MICU1: variants seen among roughly 807,000 people sequenced by gnomAD.
MICU1 encodes mitochondrial calcium uptake 1, also known as calcium uptake protein 1, mitochondrial.
Under a neutral mutation model 56.8 loss-of-function variants are expected in MICU1, and 45 were observed. The ratio of observed to expected loss-of-function variants is 0.79; its 90% CI spans 0.62 to 1.02. MICU1 has a LOEUF of 1.02. Ranked by LOEUF, MICU1 falls within the 50% of genes least tolerant of loss-of-function variation. MICU1 has a pLI of 0.00. For missense variants in MICU1, 504 were observed against 587.1 expected (o/e 0.86, Z 1.46); for synonymous variants, 186 against 195.1 (o/e 0.95, Z 0.39).
Position 72,512,100 on chromosome 10 carries a change from G to GTTTTTTTTTT in MICU1, c.538-3832_538-3831insAAAAAAAAAA, listed in dbSNP as rs1199987987. Among the ~76,000 whole-genome samples, 43 of 82,338 alleles carry GTTTTTTTTTT rather than the reference G, an allele frequency of 5.2e-4. 4 individuals are homozygous for GTTTTTTTTTT. The highest frequency in any genetic ancestry group is 2.1e-3 in the African/African-American group (37 of 17,244). The allele number at this position is 82,338 out of a possible 152,430, so 54.0% of individuals were successfully genotyped here. A position where few individuals can be genotyped will look rare whatever the true frequency, so the allele number is the denominator to read the frequency against. The stretch of plus-strand genomic sequence containing the variant: ...ATCAATCTGGCATCCATACACAGTT[G>GTTTTTTTTTT]TTTTTTGTTTTTTTTTTTTTTTTTT... On this transcript the variant is annotated intron_variant, in intron 5 of 11. Transcript: ENST00000361114.
At chr10:72,432,599 G>C (rs572795484) in intron 8 of MICU1, among the ~76,000 whole-genome samples, 1 of 152,216 alleles carries the variant, frequency 6.6e-6, no homozygotes, top group Non-Finnish European at 1.5e-5. Context: ...CATGGTGGAA[G>C]TTGAAGTGGG....
At chr10:72,385,049 C>T (rs148776375) in intron 10 of MICU1, among the ~76,000 whole-genome samples, 1,895 of 152,238 alleles carry the variant, frequency 0.012, 18 homozygotes, top group Non-Finnish European at 0.018. Context: ...TCCGGCATCA[C>T]ATAAAAGCAT....
intron 8 of MICU1, among the ~76,000 whole-genome samples, chr10:72,443,212 G>T (rs35099301): frequency 0.019 from 2,841 of 152,124 alleles, 99 homozygotes; most frequent in African/African-American, 0.065. Context: ...CTTTTTGATG[G>T]GGTTGTTTGT....
chr10:72,608,522 A>G (rs957372437), intron 1 of MICU1, among the ~76,000 whole-genome samples: 3 of 152,214 alleles, frequency 2.0e-5, no homozygotes, highest in African/African-American at 7.2e-5. Context: ...GGTAAAAGCA[A>G]ATTAAAACCA....
intron 5 of MICU1, chr10:72,509,278 C>T (rs1354156216): frequency 9.1e-6 from 7 of 768,008 alleles, no homozygotes; most frequent in Non-Finnish European, 1.4e-5. Context: ...GTAATAATGT[C>T]ATGCAAGCAT....
chr10:72,439,966 A>T (rs1031825951), intron 8 of MICU1, among the ~76,000 whole-genome samples: 38 of 152,208 alleles, frequency 2.5e-4, no homozygotes, highest in African/African-American at 8.9e-4. Context: ...GAAAGTGGCC[A>T]TACTGCCCAA....
intron 8 of MICU1, among the ~76,000 whole-genome samples, chr10:72,459,880 A>G (rs1045706719): frequency 6.6e-6 from 1 of 152,216 alleles, no homozygotes; most frequent in Non-Finnish European, 1.5e-5. Context: ...TGTGTTCTCT[A>G]TCTCAGTGAA....
intron 1 of MICU1, among the ~76,000 whole-genome samples, chr10:72,584,367 C>T (rs1269878023): frequency 6.6e-6 from 1 of 152,136 alleles, no homozygotes; most frequent in East Asian, 1.9e-4. Flanking sequence ...CAAAGATACA[C>T]TTATTTAAAG....
At chr10:72,450,130 CA>C (rs1865248986) in intron 8 of MICU1, among the ~76,000 whole-genome samples, 1 of 151,188 alleles carries the variant, frequency 6.6e-6, no homozygotes, top group South Asian at 2.1e-4. Context: ...ATTTAACAAA[CA>C]ATGAAATGAC....
At chr10:72,587,246 G>A (rs904527103) in intron 1 of MICU1, among the ~76,000 whole-genome samples, 5 of 152,110 alleles carry the variant, frequency 3.3e-5, no homozygotes, top group Non-Finnish European at 1.5e-5. Context: ...ACTGAGGTAA[G>A]AGGATTGCTT....
intron 8 of MICU1, among the ~76,000 whole-genome samples, chr10:72,451,930 T>C (rs570752964): frequency 2.6e-5 from 4 of 152,272 alleles, no homozygotes; most frequent in Non-Finnish European, 5.9e-5. Context: ...AGTGGTACGA[T>C]CTCTGCTCAC....
chr10:72,562,992 T>C lies in MICU1; in HGVS notation c.233A>G (p.Asp78Gly), dbSNP rs1840337881. The change falls in exon 3 of 12, where the codon GAT (aspartate) becomes GGT (glycine). Residue 78 changes from aspartate (D) to glycine (G), a missense_variant. Asp to Gly is a moderately conservative substitution (Grantham distance 94). Transcript: ENST00000361114. The stretch of plus-strand genomic sequence containing the variant: ...CTCATGGTTACAAACATCCCCTTCA[T>C]CTTTATTCTTCCCTTTATCACCGAT... Reference protein sequence around the residue: ...SDIGDKGKNKDEGDVCNHEKK... With the variant: ...SDIGDKGKNKGEGDVCNHEKK... The C allele has an allele frequency of 1.1e-5, 18 of 1,609,730 alleles. No individual in the cohort carries two copies. The East Asian group carries it at 3.8e-4, about 34-fold the overall frequency.
At chr10:72,432,696 G>A (rs117719605) in intron 8 of MICU1, among the ~76,000 whole-genome samples, 8 of 152,226 alleles carry the variant, frequency 5.3e-5, no homozygotes, top group East Asian at 1.9e-4. Context: ...TCATGTGAAC[G>A]AGAGCAAGAA....
chr10:72,488,064 C>T (rs1310462404), intron 6 of MICU1, among the ~76,000 whole-genome samples: 2 of 151,608 alleles, frequency 1.3e-5, no homozygotes, highest in African/African-American at 4.8e-5. Flanking sequence ...GGCGTGGTGG[C>T]ACATGCCTGT....
chr10:72,525,700 C>T (rs1003209875), intron 5 of MICU1, among the ~76,000 whole-genome samples: 1 of 152,250 alleles, frequency 6.6e-6, no homozygotes, highest in Non-Finnish European at 1.5e-5. Context: ...TAGCAGAGAA[C>T]TCCTTTCTTA....
At chr10:72,618,808 T>C (rs1167253993) in intron 1 of MICU1, among the ~76,000 whole-genome samples, 1 of 152,222 alleles carries the variant, frequency 6.6e-6, no homozygotes, top group Non-Finnish European at 1.5e-5. Flanking sequence ...TACCCATATG[T>C]GAGTACTGGG....
At chr10:72,558,247 A>T (rs1022684570) in intron 3 of MICU1, among the ~76,000 whole-genome samples, 2 of 152,242 alleles carry the variant, frequency 1.3e-5, no homozygotes, top group Non-Finnish European at 2.9e-5. Flanking sequence ...TGCTCTAAAA[A>T]TACAGAAATC....
intron 6 of MICU1, among the ~76,000 whole-genome samples, chr10:72,487,143 G>A (rs866163265): frequency 1.3e-5 from 2 of 152,162 alleles, no homozygotes; most frequent in Non-Finnish European, 2.9e-5. Flanking sequence ...CGATGTTGAA[G>A]ATGAAGCCCA....
intron 5 of MICU1, chr10:72,533,094 C>G: frequency 2.3e-6 from 3 of 1,289,878 alleles, no homozygotes; most frequent in Non-Finnish European, 3.0e-6. Context: ...CTTTCTTCCT[C>G]CTCTGTAAAA....
Sources: allele counts gnomAD v4.1 joint callset (sites outside exome capture counted in the v4.1 genomes callset), GRCh38; gene constraint gnomAD v4.1.1; transcripts MANE v1.5; gene names NCBI Gene and HGNC (gene_info 2026-07-23, HGNC 2026-07-21).